Variants in NF1 observed in about 807,000 individuals in gnomAD.
NF1 encodes the protein neurofibromin 1.
A neutral mutation model predicts 325.7 loss-of-function variants in NF1; 122 were observed. That is an observed-to-expected ratio of 0.37 (90% confidence interval 0.32 to 0.44). The LOEUF is 0.44. NF1 is among the 20% of genes least tolerant of loss of function. The pLI, the probability that NF1 is intolerant of heterozygous loss-of-function variation, is 1.00. For synonymous variants in NF1, 1,091 were observed against 1,186.0 expected (o/e 0.92, Z 1.65); for missense variants, 2,140 against 3,415.4 (o/e 0.63, Z 9.31).
At chr17:31,192,716 G>T (rs1246002072) in intron 8 of NF1, among the ~76,000 whole-genome samples, 1 of 152,156 alleles carries the variant, frequency 6.6e-6, no homozygotes, top group Non-Finnish European at 1.5e-5. Context: ...ACTTTGCACG[G>T]CAAATTTCAA....
intron 12 of NF1, among the ~76,000 whole-genome samples, chr17:31,212,408 T>A (rs954393562): frequency 6.6e-6 from 1 of 152,208 alleles, no homozygotes; most frequent in African/African-American, 2.4e-5. Context: ...AGTATAACAA[T>A]ACAAAGTATA....
At chr17:31,185,232 C>T (rs1034972131) in intron 8 of NF1, among the ~76,000 whole-genome samples, 4 of 152,144 alleles carry the variant, frequency 2.6e-5, no homozygotes, top group Non-Finnish European at 5.9e-5. Flanking sequence ...AGACTAAAGT[C>T]CTAGCAGGTC....
At chr17:31,181,304 A>G in intron 5 of NF1, 118 bp from the exon 6 acceptor site, 1 of 958,002 alleles carries the variant, frequency 1.0e-6, no homozygotes, top group South Asian at 1.6e-5. Flanking sequence ...TTTACCTTTC[A>G]TTGCTTACAG....
rs1482822531 is a variant in NF1 at position 31,376,605 on chromosome 17, G to A, written c.*2450G>A. On this transcript the variant is annotated 3_prime_UTR_variant, in exon 58 of 58. Transcript: ENST00000358273. ...CACCACTATGTGTCCCTTGAGAAAT[G>A]CAACACTTTTTTAGTCTTCATACTT... The A allele has an allele frequency of 1.7e-5, 4 of 232,932 alleles. No individual in the cohort carries two copies. Among genetic ancestry groups the A allele is most frequent in the African/African-American group, 6.6e-5 (3 of 45,324 alleles). The allele number at this position is 232,932 out of a possible 1,614,324, so 14.4% of individuals were successfully genotyped here.
chr17:31,360,217 G>A (rs1425205976), intron 56 of NF1: 1 of 464,694 alleles, frequency 2.2e-6, no homozygotes, highest in African/African-American at 2.0e-5. Context: ...CATTCCTGGT[G>A]ATTGTATTGT....
intron 36 of NF1, among the ~76,000 whole-genome samples, chr17:31,289,634 T>TA (rs1218960561): frequency 6.6e-6 from 1 of 152,162 alleles, no homozygotes; most frequent in African/African-American, 2.4e-5. Context: ...TTTCACACTT[T>TA]AAAAAACTCT....
At chr17:31,241,102 T>C (rs1231477096) in intron 29 of NF1, among the ~76,000 whole-genome samples, 1 of 152,172 alleles carries the variant, frequency 6.6e-6, no homozygotes, top group African/African-American at 2.4e-5. Context: ...GGTCCCAAAC[T>C]CCTGACCTCA....
chr17:31,111,772 G>C (rs930648735), intron 1 of NF1, among the ~76,000 whole-genome samples: 3 of 152,108 alleles, frequency 2.0e-5, no homozygotes, highest in Admixed American at 6.6e-5. Context: ...TAGGCAGAAT[G>C]AAAATATCTC....
At chr17:31,365,278 C>CAAAAAAAAAAAAAAAAAAAAAA (rs67659795) in intron 57 of NF1, among the ~76,000 whole-genome samples, 1 of 101,068 alleles carries the variant, frequency 9.9e-6, no homozygotes, top group African/African-American at 5.5e-5. Flanking sequence ...GAACCTATCT[C>CAAAAAAAAAAAAAAAAAAAAAA]AAAAAAAAAA....
chr17:31,176,842 C>T (rs1204606583), intron 5 of NF1, among the ~76,000 whole-genome samples: 1 of 152,026 alleles, frequency 6.6e-6, no homozygotes, highest in Admixed American at 6.6e-5. Context: ...ATTTCTGAGG[C>T]CTCTGTTCTG....
rs1261988706 is a variant in NF1, at chr17:31,350,086, G to T, written c.7322-97G>T. The T allele has an allele frequency of 2.4e-6, 3 of 1,254,762 alleles. 1 individual carries two copies. The South Asian group carries it at 3.6e-5, about 15-fold the overall frequency. 77.7% of individuals were successfully genotyped at this position (1,254,762 alleles called of 1,614,324 possible). A position where few individuals can be genotyped will look rare whatever the true frequency, so the allele number is the denominator to read the frequency against. On this transcript the variant is annotated intron_variant, in intron 49 of 57. Transcript: ENST00000358273. Reference sequence around the variant, plus strand: ...TCCAAAATATGTGCACATTTAACAGGTACTATGCTCTTTAGGAGACTGTAA... The same window carrying T: ...TCCAAAATATGTGCACATTTAACAGTTACTATGCTCTTTAGGAGACTGTAA...
chr17:31,213,247 G>T (rs1323460838), intron 12 of NF1, among the ~76,000 whole-genome samples: 3 of 152,172 alleles, frequency 2.0e-5, no homozygotes, highest in African/African-American at 7.2e-5. Context: ...TTGCTTTGGG[G>T]TCAGGGGGCA....
At chr17:31,271,950 C>T (rs1395635186) in intron 36 of NF1, 1 of 151,834 alleles carries the variant, frequency 6.6e-6, no homozygotes, top group Non-Finnish European at 1.5e-5. Context: ...TTCTCTTACA[C>T]CTTTAATATA....
chr17:31,310,495 G>A (rs1299961093), intron 36 of NF1, among the ~76,000 whole-genome samples: 1 of 152,162 alleles, frequency 6.6e-6, no homozygotes, highest in East Asian at 1.9e-4. Context: ...GTTGTGGCTG[G>A]CCTGTGTTTG....
chr17:31,142,603 C>T (rs1448017562), intron 1 of NF1, among the ~76,000 whole-genome samples: 1 of 152,156 alleles, frequency 6.6e-6, no homozygotes, highest in Non-Finnish European at 1.5e-5. Context: ...CACTGTGGCT[C>T]ATGCCTGTAA....
chr17:31,229,912 T>C lies in NF1; in HGVS notation c.2928T>C (p.Thr976=), dbSNP rs1555614446. ...AIMKNLLDNH[T]EGSSEHLGQA... ...TGAAGAACTTGCTAGATAATCATAC[T>C]GAAGGCAGCTCTGAACATCTAGGGC... Residue 976 remains threonine (T), a synonymous_variant, in exon 22 of 58, where the codon ACT becomes ACC. Coordinates refer to ENST00000358273, the MANE Select transcript of NF1 (RefSeq NM_001042492.3). 1.9e-6 allele frequency: 3 copies of C among 1,611,844 alleles called. No homozygotes were observed. Among genetic ancestry groups the C allele is most frequent in the Non-Finnish European group, 2.5e-6 (3 of 1,179,716 alleles).
At chr17:31,153,991 C>G (rs1027003552) in intron 1 of NF1, among the ~76,000 whole-genome samples, 4 of 150,706 alleles carry the variant, frequency 2.7e-5, no homozygotes, top group Admixed American at 2.0e-4. Context: ...GACCTTGTCC[C>G]TTCATTTTCA....
At chr17:31,182,902 T>C (rs2066163764) in intron 8 of NF1, 1 of 602,366 alleles carries the variant, frequency 1.7e-6, no homozygotes, top group Non-Finnish European at 2.9e-6. Flanking sequence ...TCCCTTAGTT[T>C]CATTCTTTTG....
chr17:31,240,179 T>G (rs1465107435), intron 29 of NF1, among the ~76,000 whole-genome samples: 1 of 152,194 alleles, frequency 6.6e-6, no homozygotes, highest in African/African-American at 2.4e-5. Context: ...AGATCTCATT[T>G]ATATTCTTTT....
Sources: gnomAD v4.1 joint callset for allele counts (sites outside exome capture counted in the v4.1 genomes callset) on GRCh38, gnomAD v4.1.1 for gene constraint, MANE v1.5 for transcripts, NCBI Gene and HGNC (gene_info 2026-07-23, HGNC 2026-07-21) for gene names.